The following NFKBIZ variants were observed in gnomAD, a reference collection of about 807,000 sequenced individuals.
NFKBIZ encodes NFKB inhibitor zeta.
A neutral mutation model predicts 76.8 loss-of-function variants in NFKBIZ; 19 were observed. The ratio of observed to expected loss-of-function variants is 0.25; its 90% confidence interval spans 0.17 to 0.36. The LOEUF (loss-of-function observed/expected upper bound fraction) is 0.36, where lower values mean the gene tolerates loss of function less well. Among genes scored for constraint, NFKBIZ ranks in the 10% least tolerant of loss-of-function variants. The probability of loss-of-function intolerance (pLI) is 1.00; values close to 1 mark genes in which losing one functional copy is unlikely to be tolerated. For synonymous variants in NFKBIZ, 368 were observed against 354.8 expected (o/e 1.04, Z -0.42); for missense variants, 829 against 910.9 (o/e 0.91, Z 1.16).
intron 2 of NFKBIZ, among the ~76,000 whole-genome samples, chr3:101,834,754 C>T (rs918278284): frequency 6.6e-6 from 1 of 152,276 alleles, no homozygotes; most frequent in Non-Finnish European, 1.5e-5. Context: ...AGGAGCACCA[C>T]TTCAGTTCAG....
chr3:101,850,565 C>T (rs2107412772), intron 1 of NFKBIZ: 1 of 152,196 alleles, frequency 6.6e-6, no homozygotes, highest in Non-Finnish European at 1.5e-5. Flanking sequence ...CAGAGAAAGA[C>T]GTAATGTTAT....
At chr3:101,849,953 C>G (rs1301741840) in intron 1 of NFKBIZ, 36 bp downstream of exon 1, 3 of 1,357,954 alleles carry the variant, frequency 2.2e-6, no homozygotes, top group Non-Finnish European at 2.8e-6. Context: ...GTACTCGGGG[C>G]GCGCACGCCT....
chr3:101,857,161 G>C lies in NFKBIZ; in HGVS notation c.1913G>C (p.Cys638Ser). 1 of 1,614,134 alleles carries C rather than the reference G, an allele frequency of 6.2e-7. No individual in the cohort carries two copies. The highest frequency in any genetic ancestry group is 8.5e-7 in the Non-Finnish European group (1 of 1,180,016). The stretch of plus-strand genomic sequence containing the variant: ...CGCCTCTTTTTGGAGCTGCCCAGTT[G>C]CCTGTCTTTTGTGAATGCAAAGGTA... ...LIRLFLELPS[C>S]LSFVNAKAYN... The change falls in exon 10 of 12, where the codon TGC becomes TCC. Residue 638 changes from cysteine (C) to serine (S), a missense_variant. Physicochemically the swap from Cys to Ser is moderately radical, Grantham distance 112. Coordinates refer to ENST00000326172, the MANE Select transcript of NFKBIZ (RefSeq NM_031419.4).
chr3:101,844,299 A>G (rs1180147623), intron 2 of NFKBIZ, among the ~76,000 whole-genome samples: 1 of 152,248 alleles, frequency 6.6e-6, no homozygotes, highest in Non-Finnish European at 1.5e-5. Context: ...AATGATGTAT[A>G]CAAGAGTCAA....
Position 101,852,938 on chromosome 3 carries a change from G to T in NFKBIZ, c.513G>T (p.Leu171Phe). ...GGAAAAGGAAAGGGCCCGATTCGTTGTCTGATGGACCTGCTTGCAAAAGGC... is the reference window on the plus strand; with the variant it reads ...GGAAAAGGAAAGGGCCCGATTCGTTTTCTGATGGACCTGCTTGCAAAAGGC... Reference protein sequence around the residue: ...YSGKRKGPDSLSDGPACKRPA... With the variant: ...YSGKRKGPDSFSDGPACKRPA... The change falls in exon 4 of 12, where the codon TTG becomes TTT. Residue 171 changes from leucine to phenylalanine, a missense_variant. Around this residue, in one of 4 missense-constraint regions of NFKBIZ, gnomAD observed 371 missense variants for 332.3 expected, o/e 1.12. Coordinates refer to ENST00000326172, the MANE Select transcript of NFKBIZ (RefSeq NM_031419.4). The T allele has an allele frequency of 6.2e-7, 1 of 1,614,226 alleles. No individual in the cohort carries two copies. The highest frequency in any genetic ancestry group is 8.5e-7 in the Non-Finnish European group (1 of 1,180,042).
At chr3:101,857,811 C>G in intron 11 of NFKBIZ, 4 of 984,320 alleles carry the variant, frequency 4.1e-6, no homozygotes, top group Non-Finnish European at 4.8e-6. Flanking sequence ...AATGTATGAG[C>G]CTTCAAATAT....
chr3:101,848,851 G>A (rs535651654), upstream of NFKBIZ: 1 of 152,356 alleles, frequency 6.6e-6, no homozygotes, highest in African/African-American at 2.4e-5. Context: ...CGTCCCAGCA[G>A]ATAATTTGAG....
At chr3:101,849,401 C>G (rs1942908138), upstream of NFKBIZ, 11 of 363,978 alleles carry the variant, frequency 3.0e-5, no homozygotes. Context: ...TCGGACGCAT[C>G]CGGAGGAGGG....
chr3:101,858,085 A>G, intron 11 of NFKBIZ: 3 of 950,890 alleles, frequency 3.2e-6, no homozygotes, highest in Non-Finnish European at 3.8e-6. Context: ...GATAACAAGA[A>G]CTTATTCTTT....
At chr3:101,849,959 C>G (rs1942924719) in intron 1 of NFKBIZ, 42 bp downstream of exon 1, 1 of 1,349,810 alleles carries the variant, frequency 7.4e-7, no homozygotes. Flanking sequence ...GGGGCGCGCA[C>G]GCCTAGGAGG....
At chr3:101,846,545 C>T (rs2107407181), upstream of NFKBIZ, among the ~76,000 whole-genome samples, 1 of 152,238 alleles carries the variant, frequency 6.6e-6, no homozygotes, top group African/African-American at 2.4e-5. Flanking sequence ...AGATTAAGTT[C>T]TCCAGAGGCC....
chr3:101,858,144 G>A, intron 11 of NFKBIZ: 1 of 984,602 alleles, frequency 1.0e-6, no homozygotes. Flanking sequence ...GGAGGAATGA[G>A]GGGGATTGTG....
chr3:101,844,962 A>T (rs1030366619), upstream of NFKBIZ, among the ~76,000 whole-genome samples: 5 of 152,158 alleles, frequency 3.3e-5, no homozygotes, highest in African/African-American at 1.2e-4. Flanking sequence ...AGTTCATTAC[A>T]TCTACACTTA....
In NFKBIZ at chr3:101,857,364, C is replaced by G; in HGVS notation, c.2008C>G (p.Arg670Gly). Reference sequence around the variant, plus strand: ...TCGGTTGACACAATTAGATGCTGTCCGCCTGTTGATGAGGAAGGGAGCAGA... The same window carrying G: ...TCGGTTGACACAATTAGATGCTGTCGGCCTGTTGATGAGGAAGGGAGCAGA... ...QYRLTQLDAV[R>G]LLMRKGADPS... The change falls in exon 11 of 12, where the codon CGC becomes GGC. Residue 670 changes from arginine to glycine, a missense_variant. Coordinates refer to ENST00000326172, the MANE Select transcript of NFKBIZ (RefSeq NM_031419.4). 6.2e-7 allele frequency: 1 copy of G among 1,614,192 alleles called. No individual in the cohort carries two copies. The highest frequency in any genetic ancestry group is 1.1e-5 in the South Asian group (1 of 91,086).
chr3:101,841,469 G>T (rs1218727953), intron 2 of NFKBIZ, among the ~76,000 whole-genome samples: 1 of 152,176 alleles, frequency 6.6e-6, no homozygotes, highest in Admixed American at 6.5e-5. Context: ...ATTAGTGTTT[G>T]TCTGAGGTAC....
chr3:101,856,081 C>T, intron 9 of NFKBIZ, 179 bp downstream of exon 9: 1 of 449,542 alleles, frequency 2.2e-6, no homozygotes, highest in Non-Finnish European at 3.9e-6. Flanking sequence ...GACAGAGTCT[C>T]ACTGTGTCGC....
Position 101,854,614 on chromosome 3 carries a change from A to C in NFKBIZ, c.1374A>C (p.Ala458=). 1 of 1,613,492 alleles carries C rather than the reference A, an allele frequency of 6.2e-7. No individual in the cohort carries two copies. Among genetic ancestry groups the C allele is most frequent in the Non-Finnish European group, 8.5e-7 (1 of 1,179,818 alleles). The change falls in exon 6 of 12, where the codon GCA becomes GCC. Residue 458 remains alanine, a synonymous_variant. Coordinates refer to ENST00000326172, the MANE Select transcript of NFKBIZ (RefSeq NM_031419.4). ...LHIAVAQGRR[A]LSYVLARKMN... is the part of the protein sequence containing the mutation. ...TTGCTGTTGCCCAAGGGAGAAGGGC[A>C]CTTTCCTATGTTCTTGCAAGAAAGA...
chr3:101,840,266 C>G (rs1181514041), intron 2 of NFKBIZ, among the ~76,000 whole-genome samples: 4 of 152,178 alleles, frequency 2.6e-5, no homozygotes, highest in Admixed American at 6.5e-5. Flanking sequence ...TCACCTACTT[C>G]ATTTTTACCT....
rs1309765508 is a variant in NFKBIZ, at chr3:101,859,380, G to C, written c.*9G>C. 9 of 1,611,676 alleles carry C rather than the reference G, an allele frequency of 5.6e-6. No individual in the cohort carries two copies. The highest frequency in any genetic ancestry group is 6.8e-6 in the Non-Finnish European group (8 of 1,177,854). ...GAGCTCCACCGTATTAGCTCCATTA[G>C]CTTGGAGCCTGGCTAGCAACACTCA... On this transcript the variant is annotated 3_prime_UTR_variant, in exon 12 of 12. Coordinates refer to ENST00000326172, the MANE Select transcript of NFKBIZ (RefSeq NM_031419.4).
Sources: gnomAD v4.1 joint callset for allele counts (sites outside exome capture counted in the v4.1 genomes callset) on GRCh38, gnomAD v4.1.1 for gene constraint, gnomAD v4.1.1 regional missense constraint, MANE v1.5 for transcripts, NCBI Gene and HGNC (gene_info 2026-07-23, HGNC 2026-07-21) for gene names.